The following HSPG2 variants were observed in gnomAD, a reference collection of about 807,000 sequenced individuals.
The protein encoded by HSPG2 is heparan sulfate proteoglycan 2.
Under a neutral mutation model 526.6 loss-of-function variants are expected in HSPG2, and 278 were observed. The observed-to-expected ratio is 0.53, with a 90% CI of 0.48 to 0.58. The LOEUF (loss-of-function observed/expected upper bound fraction) is 0.58, where lower values mean the gene tolerates loss of function less well. Among genes scored for constraint, HSPG2 ranks in the 20% least tolerant of loss-of-function variants. The pLI is 0.00. For missense variants in HSPG2, 5,354 were observed against 6,099.5 expected (o/e 0.88, Z 4.07); for synonymous variants, 2,465 against 2,555.4 (o/e 0.96, Z 1.07).
chr1:21,880,572 G>A lies in HSPG2; in HGVS notation c.1999-13C>T, dbSNP rs77828146. The A allele has an allele frequency of 0.014, 22,777 of 1,612,632 alleles. 214 individuals are homozygous for A. Among genetic ancestry groups the A allele is most frequent in the South Asian group, 0.02 (1,775 of 90,896 alleles). ...GGACCCAGTGCTCCTGGGTATGGGT[G>A]AAGGTGGCAGGGGTCACACATCAGT... On this transcript the variant is annotated splice_polypyrimidine_tract_variant and intron_variant, in intron 15 of 96. Transcript: ENST00000374695.
chr1:21,887,883 G>T lies in HSPG2; in HGVS notation c.703+55C>A. 1 of 1,612,530 alleles carries T rather than the reference G, an allele frequency of 6.2e-7. No individual in the cohort carries two copies. The highest frequency in any genetic ancestry group is 8.5e-7 in the Non-Finnish European group (1 of 1,179,384). On this transcript the variant is annotated intron_variant, in intron 7 of 96. Transcript: ENST00000374695. This position sits in a 1 kb window ranked among gnomAD's most constrained non-coding sequence, Gnocchi z 5.0. ...GATGGGCTCCAAGACCCAGGTGTAG[G>T]ACCCTGGCCCTCCCCTGGCACCCAA...
chr1:21,829,705 C>T (rs1315571091), intron 86 of HSPG2, 101 bp from the exon 87 acceptor site: 1 of 1,060,502 alleles, frequency 9.4e-7, no homozygotes. Context: ...GCCTCACTCT[C>T]CAGGCCCAGA....
intron 1 of HSPG2, among the ~76,000 whole-genome samples, chr1:21,922,183 C>A (rs942361491): frequency 1.2e-4 from 19 of 152,174 alleles, no homozygotes; most frequent in African/African-American, 3.9e-4. Flanking sequence ...TCACCAAAAC[C>A]CTGCAGTGTA....
rs1383792225 is a variant in HSPG2, at chr1:21,854,660, G to T, written c.6239C>A (p.Ala2080Asp). The T allele has an allele frequency of 6.2e-7, 1 of 1,600,702 alleles. No homozygotes were observed. Among genetic ancestry groups the T allele is most frequent in the Non-Finnish European group, 8.5e-7 (1 of 1,173,504 alleles). ...LNCVVAGSAH[A>D]QVTWYRRGGS... Reference sequence around the variant, plus strand: ...CCCTCGCCTGTACCAGGTGACCTGGGCATGGGCTGACCCTGCCACCACACA... The same window carrying T: ...CCCTCGCCTGTACCAGGTGACCTGGTCATGGGCTGACCCTGCCACCACACA... Residue 2080 changes from alanine to aspartate, a missense_variant, in exon 49 of 97, where the codon GCC becomes GAC. Coordinates refer to ENST00000374695, the MANE Select transcript of HSPG2 (RefSeq NM_005529.7).
At chr1:21,832,347 C>T in intron 81 of HSPG2, 148 bp downstream of exon 81, 1 of 678,342 alleles carries the variant, frequency 1.5e-6, no homozygotes, top group Admixed American at 2.2e-5. Flanking sequence ...ACTATTCCTA[C>T]TCTAGCAGAT....
chr1:21,899,962 C>A (rs12070632), intron 1 of HSPG2, among the ~76,000 whole-genome samples: 1,986 of 152,328 alleles, frequency 0.013, 43 homozygotes, highest in African/African-American at 0.045. Flanking sequence ...CTCAGAATGG[C>A]CCCATGGGAT....
At chr1:21,873,819 G>C in intron 29 of HSPG2, 106 bp downstream of exon 29, 1 of 944,862 alleles carries the variant, frequency 1.1e-6, no homozygotes, top group African/African-American at 1.6e-5. Context: ...GGTTAAGAGC[G>C]AGAGGCATCC....
chr1:21,921,657 G>A (rs559629515), intron 1 of HSPG2, among the ~76,000 whole-genome samples: 51 of 152,182 alleles, frequency 3.4e-4, no homozygotes, highest in Non-Finnish European at 6.2e-4. Context: ...ATTAACCAGC[G>A]CAGAGCCAGT....
chr1:21,931,313 T>C (rs1644342185), intron 1 of HSPG2, among the ~76,000 whole-genome samples: 1 of 152,236 alleles, frequency 6.6e-6, no homozygotes, highest in Admixed American at 6.5e-5. Context: ...CACATACTTC[T>C]GGGTTTCAGT....
chr1:21,841,408 A>G, intron 70 of HSPG2, 123 bp from the exon 71 acceptor site: 1 of 1,559,054 alleles, frequency 6.4e-7, no homozygotes. Context: ...CTGAGGTGGA[A>G]ACTGAGGCTC....
At position 21,839,183 on chromosome 1, in the gene HSPG2, C is replaced by A; in HGVS notation, c.9890-98G>T. Reference sequence around the variant, plus strand: ...TGTCCAGGGAAGCTGAATGGTGAGCCCAGAGGACTGGGGATAAGGAAAGCA... The same window carrying A: ...TGTCCAGGGAAGCTGAATGGTGAGCACAGAGGACTGGGGATAAGGAAAGCA... On this transcript the variant is annotated intron_variant, in intron 73 of 96. Transcript: ENST00000374695. The surrounding 1 kb of genome is among the most constrained non-coding windows in gnomAD (Gnocchi z 4.5). 6.7e-7 allele frequency: 1 copy of A among 1,500,064 alleles called. No homozygotes were observed. Among genetic ancestry groups the A allele is most frequent in the Non-Finnish European group, 9.0e-7 (1 of 1,106,496 alleles). The allele number at this position is 1,500,064 out of a possible 1,614,324, so 92.9% of individuals were successfully genotyped here.
Position 21,890,956 on chromosome 1 carries a change from GGA to G in HSPG2, c.245-264_245-263del, listed in dbSNP as rs1340990637. Among the ~76,000 whole-genome samples the G allele has an allele frequency of 6.6e-6, 1 of 152,248 alleles. No homozygotes were observed. Among genetic ancestry groups the G allele is most frequent in the Non-Finnish European group, 1.5e-5 (1 of 68,044 alleles). ...AGAAACCAAGTGCTAGTGCAAAAGA[GGA>G]GACCCCCACAGTTCAGAGGAAGGCT... On this transcript the variant is annotated intron_variant, in intron 3 of 96. Transcript: ENST00000374695. The surrounding 1 kb of genome is among the most constrained non-coding windows in gnomAD (Gnocchi z 4.1).
chr1:21,930,546 G>T (rs1434259849), intron 1 of HSPG2, among the ~76,000 whole-genome samples: 4 of 152,156 alleles, frequency 2.6e-5, no homozygotes, highest in Admixed American at 2.6e-4. Flanking sequence ...GGCCAAGATG[G>T]GTGGATCACT....
Position 21,878,162 on chromosome 1 carries a change from G to A in HSPG2, c.2685+24C>T, listed in dbSNP as rs775076761. On this transcript the variant is annotated intron_variant, in intron 21 of 96. Transcript: ENST00000374695. The stretch of plus-strand genomic sequence containing the variant: ...GTGGTGCTGGGCCCAAGGCCCCTGG[G>A]TGGGTGGCAGATGGCACGCGTACCT... 1.4e-5 allele frequency: 23 copies of A among 1,609,574 alleles called. No individual in the cohort carries two copies. In the South Asian group the frequency reaches 2.5e-4, roughly 18 times the overall value.
chr1:21,872,039 T>A lies in HSPG2; in HGVS notation c.4221+147A>T. On this transcript the variant is annotated intron_variant, in intron 33 of 96. Coordinates refer to ENST00000374695, the MANE Select transcript of HSPG2 (RefSeq NM_005529.7). This position sits in a 1 kb window ranked among gnomAD's most constrained non-coding sequence, Gnocchi z 5.5. Reference sequence around the variant, plus strand: ...GGCTGGCAAGCGGCAGAGCTGGGGTTCAGACCAATGTCTATGGGACTGCAA... The same window carrying A: ...GGCTGGCAAGCGGCAGAGCTGGGGTACAGACCAATGTCTATGGGACTGCAA... 4 of 785,634 alleles carry A rather than the reference T, an allele frequency of 5.1e-6. No individual in the cohort carries two copies. Among genetic ancestry groups the A allele is most frequent in the Non-Finnish European group, 8.5e-6 (4 of 468,872 alleles). The allele number at this position is 785,634 out of a possible 1,614,324, so 48.7% of individuals were successfully genotyped here.
intron 21 of HSPG2, chr1:21,877,554 A>C (rs1287040748): frequency 6.8e-6 from 1 of 147,638 alleles, no homozygotes; most frequent in African/African-American, 2.5e-5. Context: ...AATGGAGTAC[A>C]GTGGTGCGGT....
rs41307868 is a variant in HSPG2, at chr1:21,887,553, C to T, written c.825G>A (p.Leu275=). 0.068 allele frequency: 110,098 copies of T among 1,614,100 alleles called. 4,112 individuals carry two copies. The highest frequency in any genetic ancestry group is 0.078 in the Non-Finnish European group (92,199 of 1,179,984). ...QPPVTHAPQP[L]LPGSVRPLPC... Reference sequence around the variant, plus strand: ...GCAGGGGCCTGACGGAACCGGGAAGCAGGGGCTGAGGAGCGTGGGTGACTG... The same window carrying T: ...GCAGGGGCCTGACGGAACCGGGAAGTAGGGGCTGAGGAGCGTGGGTGACTG... The change falls in exon 8 of 97, where the codon CTG becomes CTA. Residue 275 remains leucine (L), a synonymous_variant. Transcript: ENST00000374695. The surrounding 1 kb of genome is among the most constrained non-coding windows in gnomAD (Gnocchi z 5.0).
At position 21,873,399 on chromosome 1, in the gene HSPG2, G is replaced by T. The variant is rs553560096; in HGVS notation, c.3769C>A (p.Pro1257Thr). ...ERCAPGYYGN[P>T]SQGQPCQRDS... ...CTCTGGCATGGCTGGCCCTGGCTGG[G>T]GTTGCCATAGTAGCCAGGGGCGCAC... The change falls in exon 30 of 97, where the codon CCC (proline) becomes ACC (threonine). Residue 1257 changes from proline to threonine, a missense_variant. Pro to Thr is a conservative substitution (Grantham distance 38). Transcript: ENST00000374695. 1.2e-6 allele frequency: 2 copies of T among 1,614,022 alleles called. No individual in the cohort carries two copies. The highest frequency in any genetic ancestry group is 2.7e-5 in the African/African-American group (2 of 74,928).
Position 21,888,048 on chromosome 1 carries a change from G to T in HSPG2, c.593C>A (p.Ala198Asp). 1.2e-6 allele frequency: 2 copies of T among 1,614,074 alleles called. No homozygotes were observed. The highest frequency in any genetic ancestry group is 1.7e-6 in the Non-Finnish European group (2 of 1,179,986). The change falls in exon 7 of 97, where the codon GCC becomes GAC. Residue 198 changes from alanine (A) to aspartate (D), a missense_variant. Transcript: ENST00000374695. ...GCAGGCAAACTCGGCCTCCGTGCAG[G>T]CTCTTGGGAACTGGGGCACTGCAGG... ...RLGTVPQFPR[A>D]CTEAEFACHS...
Sources: gnomAD v4.1 joint callset for allele counts (sites outside exome capture counted in the v4.1 genomes callset) on GRCh38, gnomAD v4.1.1 for gene constraint, Gnocchi (gnomAD v3.1) non-coding constraint, MANE v1.5 for transcripts, NCBI Gene and HGNC (gene_info 2026-07-23, HGNC 2026-07-21) for gene names.